Variants in STYK1 observed in about 807,000 individuals in gnomAD.
STYK1 encodes tyrosine-protein kinase STYK1.
A neutral mutation model predicts 48.1 loss-of-function variants in STYK1; 46 were observed. The observed-to-expected ratio is 0.96, with a 90% CI of 0.75 to 1.22. The LOEUF is 1.22. STYK1 is among the 50% of genes most tolerant of loss of function. The pLI is 0.00. For synonymous variants in STYK1, 188 were observed against 189.0 expected, an observed-to-expected ratio of 0.99 and a Z score of 0.04; for missense variants, 527 against 521.1, an observed-to-expected ratio of 1.01 and a Z score of -0.11.
chr12:10,626,669 A>C (rs1947361890), intron 7 of STYK1, among the ~76,000 whole-genome samples: 1 of 152,136 alleles, frequency 6.6e-6, no homozygotes, highest in Non-Finnish European at 1.5e-5. Flanking sequence ...GTAAAGGTAA[A>C]TTTTTTATCT....
intron 1 of STYK1, among the ~76,000 whole-genome samples, chr12:10,663,628 A>T (rs960434829): frequency 3.9e-5 from 5 of 129,624 alleles, no homozygotes; most frequent in Non-Finnish European, 8.0e-5. Flanking sequence ...AAAAAAAAAA[A>T]AAAAAAAAAT....
intron 1 of STYK1, among the ~76,000 whole-genome samples, chr12:10,671,698 C>T (rs575919604): frequency 2.0e-5 from 3 of 152,322 alleles, no homozygotes; most frequent in Admixed American, 6.5e-5. Flanking sequence ...TAATTTGTTA[C>T]AGTGGCAACA....
intron 1 of STYK1, among the ~76,000 whole-genome samples, chr12:10,652,259 T>TCA (rs1188754894): frequency 3.3e-5 from 5 of 152,144 alleles, no homozygotes; most frequent in African/African-American, 1.2e-4. Flanking sequence ...TCTCTCTCTC[T>TCA]CACACACATT....
chr12:10,649,651 TATA>T (rs1257810144), intron 1 of STYK1, among the ~76,000 whole-genome samples: 1 of 152,190 alleles, frequency 6.6e-6, no homozygotes, highest in East Asian at 1.9e-4. Context: ...TTAGTTATTT[TATA>T]ATAAGAACAT....
In STYK1 at chr12:10,627,624, A is replaced by G. The variant is rs761885597; in HGVS notation, c.717+17T>C. 6.2e-6 allele frequency: 10 copies of G among 1,605,730 alleles called. No homozygotes were observed. Among genetic ancestry groups the G allele is most frequent in the African/African-American group, 1.3e-5 (1 of 74,434 alleles). On this transcript the variant is annotated intron_variant, in intron 7 of 10. Coordinates refer to ENST00000075503, the MANE Select transcript of STYK1 (RefSeq NM_018423.3). ...AGGAAACGTCACACCATCAGTTGTC[A>G]TGTTGCCTCATCTTACCAGCGCCAA... is the stretch of plus-strand genomic sequence containing the variant.
chr12:10,634,723 A>C, intron 2 of STYK1, 37 bp from the exon 3 acceptor site: 1 of 1,321,724 alleles, frequency 7.6e-7, no homozygotes, highest in Non-Finnish European at 1.1e-6. Flanking sequence ...AATAAAATGA[A>C]TGAAAAAAAA....
At chr12:10,655,218 C>T (rs936541536) in intron 1 of STYK1, among the ~76,000 whole-genome samples, 2 of 152,178 alleles carry the variant, frequency 1.3e-5, no homozygotes, top group Non-Finnish European at 2.9e-5. Context: ...AGGCTTGGGA[C>T]TCCATAAGCT....
intron 1 of STYK1, among the ~76,000 whole-genome samples, chr12:10,648,427 T>G (rs1012041936): frequency 1.2e-4 from 18 of 151,924 alleles, no homozygotes; most frequent in Non-Finnish European, 2.5e-4. Context: ...ACCACTAATA[T>G]GCCAATAAAT....
chr12:10,626,813 T>G (rs1367267938), intron 7 of STYK1, among the ~76,000 whole-genome samples: 3 of 152,128 alleles, frequency 2.0e-5, no homozygotes, highest in Non-Finnish European at 4.4e-5. Context: ...GAGACCATCC[T>G]GGCTAACACA....
At chr12:10,632,531 T>C (rs1478274992) in intron 4 of STYK1, among the ~76,000 whole-genome samples, 2 of 152,154 alleles carry the variant, frequency 1.3e-5, no homozygotes, top group Non-Finnish European at 2.9e-5. Flanking sequence ...AAAAATTTTG[T>C]CATTTTTCAT....
intron 1 of STYK1, among the ~76,000 whole-genome samples, chr12:10,637,951 A>T (rs1947504561): frequency 6.6e-6 from 1 of 152,212 alleles, no homozygotes; most frequent in Admixed American, 6.5e-5. Context: ...TCTGGCCAAG[A>T]TTCCTGTTCA....
At chr12:10,621,808 G>A (rs112215777) in intron 10 of STYK1, 68 bp downstream of exon 10, 1 of 1,452,058 alleles carries the variant, frequency 6.9e-7, no homozygotes, top group Non-Finnish European at 9.6e-7. Context: ...CTTTGAAAAG[G>A]GCACGATTGA....
intron 1 of STYK1, among the ~76,000 whole-genome samples, chr12:10,657,018 C>T (rs908915292): frequency 2.6e-5 from 4 of 151,976 alleles, no homozygotes; most frequent in Non-Finnish European, 4.4e-5. Context: ...ATACTTAACT[C>T]TTTGCATGTT....
intron 1 of STYK1, among the ~76,000 whole-genome samples, chr12:10,664,751 C>T (rs1947816729): frequency 6.6e-6 from 1 of 152,124 alleles, no homozygotes; most frequent in Admixed American, 6.5e-5. Flanking sequence ...AAAAAGCAGA[C>T]TTAGAAAAAT....
At chr12:10,655,700 G>A (rs548693101) in intron 1 of STYK1, among the ~76,000 whole-genome samples, 2 of 152,216 alleles carry the variant, frequency 1.3e-5, no homozygotes, top group South Asian at 4.2e-4. Flanking sequence ...GTACACTTGT[G>A]ATTAAGTCAT....
chr12:10,642,336 G>T (rs751216772), intron 1 of STYK1, among the ~76,000 whole-genome samples: 4 of 152,130 alleles, frequency 2.6e-5, no homozygotes, highest in African/African-American at 9.7e-5. Context: ...TGATGACTTT[G>T]TATAACGTAT....
Position 10,619,751 on chromosome 12 carries a change from G to T in STYK1, c.*393C>A. 5.5e-6 allele frequency: 2 copies of T among 363,242 alleles called. No individual in the cohort carries two copies. Among genetic ancestry groups the T allele is most frequent in the Non-Finnish European group, 9.8e-6 (2 of 203,852 alleles). 22.5% of individuals were successfully genotyped at this position (363,242 alleles called of 1,614,324 possible). A position where few individuals can be genotyped will look rare whatever the true frequency, so the allele number is the denominator to read the frequency against. On this transcript the variant is annotated 3_prime_UTR_variant, in exon 11 of 11. Coordinates refer to ENST00000075503, the MANE Select transcript of STYK1 (RefSeq NM_018423.3). The stretch of plus-strand genomic sequence containing the variant: ...TTCTTTCCCTTCAACTCTTTTATTG[G>T]ATTTCTATTCCTTCATTTCATTCCA...
chr12:10,629,445 C>T, intron 6 of STYK1, 48 bp downstream of exon 6: 1 of 1,593,918 alleles, frequency 6.3e-7, no homozygotes. Context: ...AAAAGCTAGT[C>T]AACAAGGTCA....
chr12:10,634,165 G>GAAA (rs2120659523), intron 3 of STYK1, 41 bp from the exon 4 acceptor site: 1 of 1,590,972 alleles, frequency 6.3e-7, no homozygotes, highest in South Asian at 1.1e-5. Context: ...GAATGAAGAA[G>GAAA]CCTAACCTGG....
Sources: allele counts gnomAD v4.1 joint callset (sites outside exome capture counted in the v4.1 genomes callset), GRCh38; gene constraint gnomAD v4.1.1; transcripts MANE v1.5; gene names NCBI Gene and HGNC (gene_info 2026-07-23, HGNC 2026-07-21).